The following ZNF697 variants were observed in gnomAD, a reference collection of about 807,000 sequenced individuals.
ZNF697 encodes zinc finger protein 697.
A neutral mutation model predicts 32.4 loss-of-function variants in ZNF697; 23 were observed. The ratio of observed to expected loss-of-function variants is 0.71; its 90% CI spans 0.51 to 1.01. The LOEUF (loss-of-function observed/expected upper bound fraction) is 1.01, where lower values mean the gene tolerates loss of function less well. ZNF697 is among the 50% of genes least tolerant of loss of function. The pLI is 0.00. For missense variants in ZNF697, 930 were observed against 794.0 expected (o/e 1.17, Z -2.06); for synonymous variants, 418 against 337.2 (o/e 1.24, Z -2.62).
Position 119,623,031 on chromosome 1 carries a change from C to T in ZNF697, c.1312G>A (p.Val438Met). The change falls in exon 3 of 3, where the codon GTG becomes ATG. Residue 438 changes from valine (V) to methionine (M), a missense_variant. By Grantham distance (21) the Val-to-Met change is conservative. Coordinates refer to ENST00000421812, the MANE Select transcript of ZNF697 (RefSeq NM_001080470.2). ...KRTHSGERPY[V>M]CRECGKGFGR... is the part of the protein sequence containing the mutation. ...AAGCCCTTCCCGCACTCGCGGCACA[C>T]GTAGGGCCGCTCACCCGAGTGCGTG... The T allele has an allele frequency of 3.1e-6, 5 of 1,589,752 alleles. No homozygotes were observed. The highest frequency in any genetic ancestry group is 4.3e-6 in the Non-Finnish European group (5 of 1,167,728).
Position 119,626,149 on chromosome 1 carries a change from A to C in ZNF697, c.-37-12T>G, listed in dbSNP as rs1468706292. Reference sequence around the variant, plus strand: ...GTGACCAGGAATCCCTGCTCCAGAAAAACACAAAGAAAGGTCACGTCAGTC... The same window carrying C: ...GTGACCAGGAATCCCTGCTCCAGAACAACACAAAGAAAGGTCACGTCAGTC... On this transcript the variant is annotated splice_polypyrimidine_tract_variant and intron_variant, in intron 1 of 2. Coordinates refer to ENST00000421812, the MANE Select transcript of ZNF697 (RefSeq NM_001080470.2). 6.2e-7 allele frequency: 1 copy of C among 1,609,890 alleles called. No homozygotes were observed. Among genetic ancestry groups the C allele is most frequent in the African/African-American group, 1.3e-5 (1 of 74,668 alleles).
intron 1 of ZNF697, among the ~76,000 whole-genome samples, chr1:119,645,869 A>G (rs1649188003): frequency 1.3e-5 from 2 of 152,190 alleles, no homozygotes; most frequent in African/African-American, 4.8e-5. Flanking sequence ...CTGACACTGT[A>G]GCTATTTTTT....
rs587647535 is a variant in ZNF697, at chr1:119,637,405, C to T, written c.-38+10286G>A. Among the ~76,000 whole-genome samples, 5 of 152,304 alleles carry T rather than the reference C, an allele frequency of 3.3e-5. No homozygotes were observed. In the South Asian group the frequency reaches 8.3e-4, roughly 25 times the overall value. ...GTGGGCCCGGTGGCAGGGACAGCAC[C>T]ACTCCAAGTACATTTTGCTGTAGAG... On this transcript the variant is annotated intron_variant, in intron 1 of 2. Transcript: ENST00000421812.
chr1:119,630,881 AG>A (rs1648743795), intron 1 of ZNF697, among the ~76,000 whole-genome samples: 2 of 151,946 alleles, frequency 1.3e-5, no homozygotes, highest in Non-Finnish European at 2.9e-5. Context: ...AAAAAAAAAG[AG>A]GAAGGGAGGG....
At chr1:119,641,744 G>A (rs1413163078) in intron 1 of ZNF697, among the ~76,000 whole-genome samples, 1 of 152,096 alleles carries the variant, frequency 6.6e-6, no homozygotes, top group Non-Finnish European at 1.5e-5. Context: ...AAGATCTGAT[G>A]GTTTTATAAG....
intron 1 of ZNF697, among the ~76,000 whole-genome samples, chr1:119,634,396 G>C (rs1648866971): frequency 6.6e-6 from 1 of 152,052 alleles, no homozygotes; most frequent in South Asian, 2.1e-4. Context: ...TTCAGCAGTG[G>C]GTAAGTGACA....
In ZNF697 at chr1:119,624,181, G is replaced by A. The variant is rs899459758; in HGVS notation, c.227-65C>T. The A allele has an allele frequency of 4.7e-6, 7 of 1,489,482 alleles. No homozygotes were observed. In the Admixed American group the frequency reaches 1.2e-4, roughly 25 times the overall value. The allele number at this position is 1,489,482 out of a possible 1,614,324, so 92.3% of individuals were successfully genotyped here. On this transcript the variant is annotated intron_variant, in intron 2 of 2. Coordinates refer to ENST00000421812, the MANE Select transcript of ZNF697 (RefSeq NM_001080470.2). ...TGGCATTCAAAAGATAAGCCCAGAG[G>A]AAACCTCAGTAATAAAACTGTGATC...
chr1:119,639,010 A>G (rs1648997497), intron 1 of ZNF697, among the ~76,000 whole-genome samples: 1 of 152,256 alleles, frequency 6.6e-6, no homozygotes, highest in Non-Finnish European at 1.5e-5. Context: ...CCTTGAAAGG[A>G]TGCTATAAAG....
intron 1 of ZNF697, among the ~76,000 whole-genome samples, chr1:119,640,669 A>G (rs1649043574): frequency 6.6e-6 from 1 of 152,230 alleles, no homozygotes; most frequent in Non-Finnish European, 1.5e-5. Context: ...CTGTCCCACT[A>G]TGACAGGACA....
rs113983352 is a variant in ZNF697 at position 119,632,719 on chromosome 1, C to T, written c.-37-6582G>A. The stretch of plus-strand genomic sequence containing the variant: ...CCACCACCACCCTATTCCTCCTGCA[C>T]GAAATAAGAATTAGTGCAACGCAGA... On this transcript the variant is annotated intron_variant, in intron 1 of 2. Coordinates refer to ENST00000421812, the MANE Select transcript of ZNF697 (RefSeq NM_001080470.2). Among the ~76,000 whole-genome samples the T allele has an allele frequency of 6.6e-3, 1,001 of 152,200 alleles. 17 individuals carry two copies. The highest frequency in any genetic ancestry group is 0.022 in the African/African-American group (919 of 41,524).
In ZNF697 at chr1:119,624,002, C is replaced by T. The variant is rs1408614365; in HGVS notation, c.341G>A (p.Arg114Gln). The T allele has an allele frequency of 5.6e-6, 9 of 1,612,708 alleles. No homozygotes were observed. Among genetic ancestry groups the T allele is most frequent in the East Asian group, 2.2e-5 (1 of 44,826 alleles). ...CTCGTCGTCGTCCTCCCGGAGGCTC[C>T]GGGATATGCTGTCAGACTCAGACAG... ...PGLSESDSIS[R>Q]SLREDDDESA... Residue 114 changes from arginine to glutamine, a missense_variant, in exon 3 of 3, where the codon CGG becomes CAG. Transcript: ENST00000421812.
At chr1:119,624,153 A>C (rs1648498976) in intron 2 of ZNF697, 37 bp from the exon 3 acceptor site, 1 of 1,516,680 alleles carries the variant, frequency 6.6e-7, no homozygotes, top group Non-Finnish European at 8.8e-7. Context: ...GGATTACTAT[A>C]CTTGGCATTC....
intron 1 of ZNF697, among the ~76,000 whole-genome samples, chr1:119,639,227 T>C (rs1281721342): frequency 2.0e-5 from 3 of 152,204 alleles, no homozygotes; most frequent in African/African-American, 7.2e-5. Flanking sequence ...TCAGTTGCCA[T>C]GTTCTTTTCA....
chr1:119,630,395 T>A (rs753741), intron 1 of ZNF697, among the ~76,000 whole-genome samples: 3,393 of 152,286 alleles, frequency 0.022, 129 homozygotes, highest in African/African-American at 0.078. Flanking sequence ...TCACAAAACC[T>A]TTTTCTTGGA....
In ZNF697 at chr1:119,621,180, C is replaced by G. The variant is rs1178199655; in HGVS notation, c.*1525G>C. The G allele has an allele frequency of 6.6e-6, 1 of 152,158 alleles. No homozygotes were observed. The highest frequency in any genetic ancestry group is 1.9e-4 in the East Asian group (1 of 5,192). The allele number at this position is 152,158 out of a possible 1,614,324, so 9.4% of individuals were successfully genotyped here. ...GGCTAGCCTTAAGTTTTTCATCAAG[C>G]ATAAGAATTTTCAGTGTCCTTAATT... On this transcript the variant is annotated 3_prime_UTR_variant, in exon 3 of 3. Coordinates refer to ENST00000421812, the MANE Select transcript of ZNF697 (RefSeq NM_001080470.2).
intron 1 of ZNF697, among the ~76,000 whole-genome samples, chr1:119,631,828 G>A (rs1201922487): frequency 3.3e-5 from 5 of 152,136 alleles, no homozygotes; most frequent in Admixed American, 2.0e-4. Flanking sequence ...TACCTCCTCA[G>A]AGGAACGCAG....
chr1:119,624,974 G>C (rs1393189607), intron 2 of ZNF697, among the ~76,000 whole-genome samples: 3 of 135,786 alleles, frequency 2.2e-5, no homozygotes, highest in Non-Finnish European at 4.7e-5. Flanking sequence ...TCAGGACTTT[G>C]CTATGGGTGG....
chr1:119,638,447 T>C (rs923654350), intron 1 of ZNF697, among the ~76,000 whole-genome samples: 2 of 152,230 alleles, frequency 1.3e-5, no homozygotes, highest in Non-Finnish European at 2.9e-5. Context: ...CACTGTAAAG[T>C]GCTTGGCATT....
rs1388304651 is a variant in ZNF697, at chr1:119,623,887, C to G, written c.456G>C (p.Arg152=). The G allele has an allele frequency of 1.3e-6, 2 of 1,545,294 alleles. No homozygotes were observed. Among genetic ancestry groups the G allele is most frequent in the Admixed American group, 1.9e-5 (1 of 52,090 alleles). ...GGTGGGCGGGCTTGTCACCTCGGTG[C>G]CGACTCCCCAGGGAGAGATGTCGCC... The part of the protein sequence containing the change: ...PWRRHLSLGS[R]HRGDKPAHRR... Residue 152 remains arginine (R), a synonymous_variant, in exon 3 of 3, where the codon CGG becomes CGC. Transcript: ENST00000421812.
Sources: gnomAD v4.1 joint callset for allele counts (sites outside exome capture counted in the v4.1 genomes callset) on GRCh38, gnomAD v4.1.1 for gene constraint, MANE v1.5 for transcripts, NCBI Gene and HGNC (gene_info 2026-07-23, HGNC 2026-07-21) for gene names.